SLC43A3: variants seen among roughly 807,000 people sequenced by gnomAD.
The protein encoded by SLC43A3 is equilibrative nucleobase transporter 1.
SLC43A3 carries 33 observed loss-of-function variants against 53.3 expected under a neutral mutation model. The ratio of observed to expected loss-of-function variants is 0.62; its 90% CI spans 0.47 to 0.83. SLC43A3 has a LOEUF of 0.83. Among genes scored for constraint, SLC43A3 ranks in the 40% least tolerant of loss-of-function variants. The pLI is 0.00. For missense variants in SLC43A3, 530 were observed against 610.0 expected (o/e 0.87, Z 1.38); for synonymous variants, 236 against 246.2 (o/e 0.96, Z 0.39).
In SLC43A3 at chr11:57,424,039, T is replaced by A. The variant is rs1943100666; in HGVS notation, c.315-11A>T. ...GTGGTGTAGAAAAATCTGAAACACATAACAGGAAAAGCAGAATATTGTCAA... is the reference window on the plus strand; with the variant it reads ...GTGGTGTAGAAAAATCTGAAACACAAAACAGGAAAAGCAGAATATTGTCAA... On this transcript the variant is annotated splice_polypyrimidine_tract_variant and intron_variant, in intron 4 of 13. Transcript: ENST00000395124. The A allele has an allele frequency of 6.2e-7, 1 of 1,613,366 alleles. No homozygotes were observed. The highest frequency in any genetic ancestry group is 8.5e-7 in the Non-Finnish European group (1 of 1,179,506).
At chr11:57,415,312 T>G in intron 9 of SLC43A3, 2 of 1,521,988 alleles carry the variant, frequency 1.3e-6, no homozygotes, top group Non-Finnish European at 1.8e-6. Context: ...CCACCTTGGA[T>G]GACCCTCTGT....
chr11:57,417,853 G>A lies in SLC43A3; in HGVS notation c.566C>T (p.Ser189Phe), dbSNP rs761003780. 6 of 1,614,066 alleles carry A rather than the reference G, an allele frequency of 3.7e-6. No individual in the cohort carries two copies. The highest frequency in any genetic ancestry group is 5.1e-6 in the Non-Finnish European group (6 of 1,180,050). ...ACTGCAGACAGAGATGAAGATGAAG[G>A]AGGCCCTGAGGCTGATGCCTTTTTC... Reference protein sequence around the residue: ...LYEKGISLRASFIFISVCSTW... With the variant: ...LYEKGISLRAFFIFISVCSTW... The change falls in exon 8 of 14, where the codon TCC becomes TTC. Residue 189 changes from serine (S) to phenylalanine (F), a missense_variant. Coordinates refer to ENST00000395124, the MANE Select transcript of SLC43A3 (RefSeq NM_199329.3).
At position 57,407,130 on chromosome 11, in the gene SLC43A3, ACT is replaced by A. The variant is rs1241926256; in HGVS notation, c.*660_*661del. 1 of 152,214 alleles carries A rather than the reference ACT, an allele frequency of 6.6e-6. No homozygotes were observed. Among genetic ancestry groups the A allele is most frequent in the African/African-American group, 2.4e-5 (1 of 41,440 alleles). The allele number at this position is 152,214 out of a possible 1,614,324, so 9.4% of individuals were successfully genotyped here. A position where few individuals can be genotyped will look rare whatever the true frequency, so the allele number is the denominator to read the frequency against. On this transcript the variant is annotated 3_prime_UTR_variant, in exon 14 of 14. Coordinates refer to ENST00000395124, the MANE Select transcript of SLC43A3 (RefSeq NM_199329.3). ...CTCCCATGGCCCTTGGGGTGGCCTG[ACT>A]CTGTCACTATTCCTAAAACCTTCTA...
At position 57,410,116 on chromosome 11, in the gene SLC43A3, A is replaced by C. The variant is rs1175605046; in HGVS notation, c.1066T>G (p.Ser356Ala). Residue 356 changes from serine to alanine, a missense_variant, in exon 12 of 14, where the codon TCC (serine) becomes GCC (alanine). Physicochemically the swap from Ser to Ala is moderately conservative, Grantham distance 99 (BLOSUM62 1). Coordinates refer to ENST00000395124, the MANE Select transcript of SLC43A3 (RefSeq NM_199329.3). ...YQKEARKTGS[S>A]TLAVALCSTV... Reference sequence around the variant, plus strand: ...GAGCAGAGGGCCACCGCCAAAGTGGAGGAACCTGGGCGAACAGAGAGGAAA... The same window carrying C: ...GAGCAGAGGGCCACCGCCAAAGTGGCGGAACCTGGGCGAACAGAGAGGAAA... 5 of 1,599,658 alleles carry C rather than the reference A, an allele frequency of 3.1e-6. No homozygotes were observed. In the Admixed American group the frequency reaches 8.8e-5, roughly 28 times the overall value.
chr11:57,408,914 G>A lies in SLC43A3; in HGVS notation c.1371+261C>T, dbSNP rs1942325196. On this transcript the variant is annotated intron_variant, in intron 13 of 13. Coordinates refer to ENST00000395124, the MANE Select transcript of SLC43A3 (RefSeq NM_199329.3). ...GTGTGGGCCTAGGGGAGAGGCCAGG[G>A]TGGGCCTGCACTCACCACAAGCAGG... Among the ~76,000 whole-genome samples the A allele has an allele frequency of 2.0e-5, 3 of 152,238 alleles. No individual in the cohort carries two copies. The South Asian group carries it at 6.2e-4, about 31-fold the overall frequency.
intron 11 of SLC43A3, among the ~76,000 whole-genome samples, chr11:57,412,753 GGCTGAGATTACGCCACTGCACTCCA>G (rs1255686562): frequency 6.6e-6 from 1 of 151,708 alleles, no homozygotes; most frequent in Non-Finnish European, 1.5e-5. Flanking sequence ...GGTCGCAGTA[GGCTGAGATTACGCCACTGCACTCCA>G]GCCTAGGCAA....
Position 57,425,677 on chromosome 11 carries a change from T to C in SLC43A3, c.185-7A>G, listed in dbSNP as rs181831403. On this transcript the variant is annotated splice_region_variant and splice_polypyrimidine_tract_variant and intron_variant, in intron 3 of 13. Transcript: ENST00000395124. The stretch of plus-strand genomic sequence containing the variant: ...TCATCCTGGGCTTTGCAGTCTGGAG[T>C]AGAAAAAAGGTCTCCCATGCATCCC... 473 of 1,613,306 alleles carry C rather than the reference T, an allele frequency of 2.9e-4. No homozygotes were observed. The Middle Eastern group carries it at 4.2e-3, about 14-fold the overall frequency.
intron 4 of SLC43A3, 38 bp downstream of exon 4, chr11:57,425,503 C>G (rs1565103582): frequency 6.2e-7 from 1 of 1,604,932 alleles, no homozygotes; most frequent in South Asian, 1.1e-5. Context: ...AAGGATTCCT[C>G]TTACCCACCT....
At chr11:57,414,864 C>T (rs912216446) in intron 10 of SLC43A3, 69 bp downstream of exon 10, 1 of 1,581,236 alleles carries the variant, frequency 6.3e-7, no homozygotes, top group African/African-American at 1.3e-5. Flanking sequence ...GTGTGTACAG[C>T]CCTGCTGGGA....
intron 13 of SLC43A3, chr11:57,408,895 G>A (rs1942323889): frequency 2.5e-6 from 1 of 402,562 alleles, no homozygotes; most frequent in South Asian, 2.5e-5. Context: ...CCCTGTGTGG[G>A]CCTAGGGGAG....
At chr11:57,419,838 G>A (rs1942908867) in intron 7 of SLC43A3, among the ~76,000 whole-genome samples, 1 of 151,310 alleles carries the variant, frequency 6.6e-6, no homozygotes, top group African/African-American at 2.4e-5. Flanking sequence ...AGAAAGATGA[G>A]GCAGCCATCT....
chr11:57,407,569 G>A lies in SLC43A3; in HGVS notation c.*223C>T. 1 of 500,352 alleles carries A rather than the reference G, an allele frequency of 2.0e-6. No homozygotes were observed. Among genetic ancestry groups the A allele is most frequent in the East Asian group, 3.3e-5 (1 of 29,926 alleles). The allele number at this position is 500,352 out of a possible 1,614,324, so 31.0% of individuals were successfully genotyped here. A position where few individuals can be genotyped will look rare whatever the true frequency, so the allele number is the denominator to read the frequency against. ...GACACTTCTGTTTTGAAATAAAGAA[G>A]TTCCACATGCCTTTGCTTTGAGTCT... On this transcript the variant is annotated 3_prime_UTR_variant, in exon 14 of 14. Coordinates refer to ENST00000395124, the MANE Select transcript of SLC43A3 (RefSeq NM_199329.3).
Position 57,407,670 on chromosome 11 carries a change from T to A in SLC43A3, c.*122A>T, listed in dbSNP as rs1039689010. On this transcript the variant is annotated 3_prime_UTR_variant, in exon 14 of 14. Transcript: ENST00000395124. ...CGTCCTTGTGTGTCTTTATTTTGTG[T>A]GTGTGTGTGTGTGTGTGTGTGTTTT... is the stretch of plus-strand genomic sequence containing the variant. 14 of 588,686 alleles carry A rather than the reference T, an allele frequency of 2.4e-5. No homozygotes were observed. The highest frequency in any genetic ancestry group is 4.2e-5 in the Non-Finnish European group (14 of 332,098). The allele number at this position is 588,686 out of a possible 1,614,324, so 36.5% of individuals were successfully genotyped here. A position where few individuals can be genotyped will look rare whatever the true frequency, so the allele number is the denominator to read the frequency against.
intron 4 of SLC43A3, among the ~76,000 whole-genome samples, chr11:57,424,236 G>C (rs1436424068): frequency 6.6e-6 from 1 of 152,240 alleles, no homozygotes; most frequent in Non-Finnish European, 1.5e-5. Flanking sequence ...TGACCTCATG[G>C]ACAGTGCATT....
chr11:57,426,426 G>C (rs558487655), intron 2 of SLC43A3, 74 bp from the exon 3 acceptor site: 2 of 523,888 alleles, frequency 3.8e-6, no homozygotes, highest in Non-Finnish European at 6.8e-6. Flanking sequence ...AGTTATTTGT[G>C]AGGTGCATTA....
At chr11:57,409,831 C>T in intron 12 of SLC43A3, 104 bp downstream of exon 12, 2 of 1,134,700 alleles carry the variant, frequency 1.8e-6, no homozygotes, top group Non-Finnish European at 2.5e-6. Context: ...GTCTCCCGCA[C>T]CTGACTGCCT....
chr11:57,424,117 T>A (rs1261537969), intron 4 of SLC43A3, 89 bp from the exon 5 acceptor site: 10 of 1,326,324 alleles, frequency 7.5e-6, no homozygotes, highest in Non-Finnish European at 1.1e-5. Flanking sequence ...AGCCCACAAG[T>A]GTAGGACTTG....
intron 4 of SLC43A3, 148 bp downstream of exon 4, chr11:57,425,393 T>A (rs1943167292): frequency 1.3e-6 from 1 of 745,192 alleles, no homozygotes; most frequent in Admixed American, 2.5e-5. Flanking sequence ...TGCCTGGGGC[T>A]GTTCCTAACA....
chr11:57,415,392 C>G (rs928854391), intron 9 of SLC43A3: 1 of 1,414,776 alleles, frequency 7.1e-7, no homozygotes, highest in Non-Finnish European at 9.3e-7. Flanking sequence ...GTAATACCTT[C>G]CTGATCTTTC....
Sources: gnomAD v4.1 joint callset for allele counts (sites outside exome capture counted in the v4.1 genomes callset) on GRCh38, gnomAD v4.1.1 for gene constraint, MANE v1.5 for transcripts, NCBI Gene and HGNC (gene_info 2026-07-23, HGNC 2026-07-21) for gene names.